CACNA2D3: variants seen among roughly 807,000 people sequenced by gnomAD.
CACNA2D3 encodes voltage-dependent calcium channel subunit alpha-2/delta-3.
A neutral mutation model predicts 160.6 loss-of-function variants in CACNA2D3; 60 were observed. That is an observed-to-expected ratio of 0.37 (90% CI 0.30 to 0.46). The LOEUF is 0.46. Ranked by LOEUF, CACNA2D3 falls within the 20% of genes least tolerant of loss-of-function variation. CACNA2D3 has a pLI of 1.00. For missense variants in CACNA2D3, 1,205 were observed against 1,365.0 expected (o/e 0.88, Z 1.85); for synonymous variants, 558 against 492.9 (o/e 1.13, Z -1.75).
intron 2 of CACNA2D3, among the ~76,000 whole-genome samples, chr3:54,147,338 ACT>A (rs1700051267): frequency 6.6e-6 from 1 of 152,166 alleles, no homozygotes; most frequent in Admixed American, 6.5e-5. Flanking sequence ...GGCTCTTCTG[ACT>A]CTAAAAACCA....
At chr3:54,493,011 A>G (rs7374625) in intron 4 of CACNA2D3, among the ~76,000 whole-genome samples, 148,274 of 149,502 alleles carry the variant, frequency 0.99, 73,541 homozygotes, top group Middle Eastern at 1. Flanking sequence ...CAGGTAGTAC[A>G]TATGAGTTAT....
rs532640336 is a variant in CACNA2D3 at position 54,249,949 on chromosome 3, C to T, written c.205-70493C>T. ...CCTGTGCTTTCAGTGGGTGGTGGAGCACCCAAGACTCCTCTGAAAATGTAA... is the reference window on the plus strand; with the variant it reads ...CCTGTGCTTTCAGTGGGTGGTGGAGTACCCAAGACTCCTCTGAAAATGTAA... On this transcript the variant is annotated intron_variant, in intron 2 of 37. Coordinates refer to ENST00000474759, the MANE Select transcript of CACNA2D3 (RefSeq NM_018398.3). Among the ~76,000 whole-genome samples the T allele has an allele frequency of 3.9e-5, 6 of 152,216 alleles. No homozygotes were observed. The East Asian group carries it at 1.2e-3, about 29-fold the overall frequency.
intron 2 of CACNA2D3, among the ~76,000 whole-genome samples, chr3:54,139,784 G>T (rs969525149): frequency 2.0e-5 from 3 of 152,238 alleles, no homozygotes; most frequent in Admixed American, 2.0e-4. Context: ...CATTCAACAA[G>T]TGTGGTGTGT....
intron 13 of CACNA2D3, among the ~76,000 whole-genome samples, chr3:54,803,262 G>A (rs554111262): frequency 2.3e-3 from 349 of 152,268 alleles, no homozygotes; most frequent in Non-Finnish European, 3.9e-3. Context: ...AAACTACTCC[G>A]AGCTACAGGA....
At chr3:54,834,062 G>A (rs184149843) in intron 14 of CACNA2D3, among the ~76,000 whole-genome samples, 2 of 152,292 alleles carry the variant, frequency 1.3e-5, no homozygotes, top group East Asian at 3.9e-4. Context: ...AAGTAATGAT[G>A]CAGTAATTAC....
intron 27 of CACNA2D3, among the ~76,000 whole-genome samples, chr3:54,916,163 GGGTGTCA>G (rs1343196424): frequency 6.6e-6 from 1 of 152,158 alleles, no homozygotes; most frequent in African/African-American, 2.4e-5. Context: ...CTCATGGGGT[GGGTGTCA>G]GGATTACACA....
At chr3:55,057,009 G>A (rs1044411205) in intron 35 of CACNA2D3, among the ~76,000 whole-genome samples, 1 of 152,176 alleles carries the variant, frequency 6.6e-6, no homozygotes, top group African/African-American at 2.4e-5. Flanking sequence ...TGATTTGGCT[G>A]TGTCCCTGCC....
chr3:54,196,351 G>C (rs1043077344), intron 2 of CACNA2D3, among the ~76,000 whole-genome samples: 2 of 152,174 alleles, frequency 1.3e-5, no homozygotes, highest in Admixed American at 6.5e-5. Flanking sequence ...GAACCACTCT[G>C]TACAAAATAA....
intron 35 of CACNA2D3, among the ~76,000 whole-genome samples, chr3:55,060,000 A>T (rs1171249474): frequency 6.6e-6 from 1 of 152,070 alleles, no homozygotes; most frequent in Non-Finnish European, 1.5e-5. Context: ...GATAGGGAGC[A>T]TGGTGGATCA....
chr3:54,721,826 C>T (rs1452449218), intron 11 of CACNA2D3, among the ~76,000 whole-genome samples: 1 of 151,476 alleles, frequency 6.6e-6, no homozygotes, highest in Non-Finnish European at 1.5e-5. Context: ...CGACCTTTCT[C>T]TCTGGCTGCC....
rs548704961 is a variant in CACNA2D3, at chr3:54,425,568, A to G, written c.381+38794A>G. On this transcript the variant is annotated intron_variant, in intron 4 of 37. Transcript: ENST00000474759. The stretch of plus-strand genomic sequence containing the variant: ...ATGTATCCCTGTTGTCCTCTCTCCA[A>G]CCCTCAGCTCTACCCCACCTGAACA... 2.6e-5 allele frequency among the ~76,000 whole-genome samples: 4 copies of G among 152,252 alleles called. No homozygotes were observed. In the South Asian group the frequency reaches 6.2e-4, roughly 24 times the overall value.
intron 3 of CACNA2D3, among the ~76,000 whole-genome samples, chr3:54,376,689 A>C (rs541022146): frequency 2.0e-5 from 3 of 152,130 alleles, no homozygotes; most frequent in Non-Finnish European, 2.9e-5. Flanking sequence ...CCACATAATT[A>C]ATCATCATCA....
chr3:54,411,305 G>T (rs961242536), intron 4 of CACNA2D3, among the ~76,000 whole-genome samples: 1 of 152,240 alleles, frequency 6.6e-6, no homozygotes, highest in African/African-American at 2.4e-5. Flanking sequence ...TCTGCTGTGG[G>T]TAAAATGCTA....
intron 2 of CACNA2D3, among the ~76,000 whole-genome samples, chr3:54,141,098 CGTGT>C (rs144760117): frequency 0.15 from 9,547 of 63,800 alleles, 362 homozygotes; most frequent in Non-Finnish European, 0.19. Flanking sequence ...CGCGCGCGCG[CGTGT>C]GTGCATGCAT....
rs183914655 is a variant in CACNA2D3, at chr3:54,659,113, T to C, written c.1167+16872T>C. Among the ~76,000 whole-genome samples the C allele has an allele frequency of 7.9e-5, 12 of 152,316 alleles. No homozygotes were observed. The East Asian group carries it at 2.3e-3, about 29-fold the overall frequency. ...TCCCCTGTCCCCTGATCTCCAGCTA[T>C]CTTAGTCAGTGCTTTTCTTTTACTG... On this transcript the variant is annotated intron_variant, in intron 11 of 37. Coordinates refer to ENST00000474759, the MANE Select transcript of CACNA2D3 (RefSeq NM_018398.3).
intron 11 of CACNA2D3, among the ~76,000 whole-genome samples, chr3:54,698,803 T>C (rs1575428869): frequency 6.6e-6 from 1 of 152,296 alleles, no homozygotes; most frequent in East Asian, 1.9e-4. Flanking sequence ...ATTTTATAAA[T>C]TGGTGCATGG....
Position 54,763,855 on chromosome 3 carries a change from A to G in CACNA2D3, c.1247-363A>G, listed in dbSNP as rs868616867. 4.4e-3 allele frequency among the ~76,000 whole-genome samples: 151 copies of G among 34,276 alleles called. 34 individuals are homozygous for G. The highest frequency in any genetic ancestry group is 0.029 in the Middle Eastern group (2 of 68). The allele number at this position is 34,276 out of a possible 152,430, so 22.5% of individuals were successfully genotyped here. ...TATATGTATATATATGTACATATAT[A>G]TACATATATATATACGTATATATAT... is the stretch of plus-strand genomic sequence containing the variant. On this transcript the variant is annotated intron_variant, in intron 12 of 37. Coordinates refer to ENST00000474759, the MANE Select transcript of CACNA2D3 (RefSeq NM_018398.3).
chr3:54,220,116 A>C (rs3923437), intron 2 of CACNA2D3, among the ~76,000 whole-genome samples: 25,366 of 151,838 alleles, frequency 0.17, 3,208 homozygotes, highest in African/African-American at 0.35. Context: ...AAAATATGAA[A>C]AAAATTGTAG....
intron 27 of CACNA2D3, among the ~76,000 whole-genome samples, chr3:54,960,144 A>G (rs959425893): frequency 6.6e-6 from 1 of 151,936 alleles, no homozygotes; most frequent in East Asian, 1.9e-4. Flanking sequence ...GCCTTCCTAC[A>G]CTGGTTCCCA....
Sources: allele counts gnomAD v4.1 joint callset (sites outside exome capture counted in the v4.1 genomes callset), GRCh38; gene constraint gnomAD v4.1.1; transcripts MANE v1.5; gene names NCBI Gene and HGNC (gene_info 2026-07-23, HGNC 2026-07-21).